Variants in CCDC81 observed in about 807,000 individuals in gnomAD.
CCDC81 encodes coiled-coil domain-containing protein 81.
A neutral mutation model predicts 83.7 loss-of-function variants in CCDC81; 79 were observed. The ratio of observed to expected loss-of-function variants is 0.94; its 90% CI spans 0.79 to 1.14. The LOEUF (loss-of-function observed/expected upper bound fraction) is 1.14. CCDC81 is among the 50% of genes most tolerant of loss of function. The probability of loss-of-function intolerance (pLI) is 0.00; values close to 1 mark genes in which losing one functional copy is unlikely to be tolerated. For missense variants in CCDC81, 791 were observed against 778.1 expected (o/e 1.02, Z -0.20); for synonymous variants, 252 against 278.1 (o/e 0.91, Z 0.93).
At chr11:86,417,424 T>C (rs1948735613) in intron 13 of CCDC81, among the ~76,000 whole-genome samples, 1 of 152,024 alleles carries the variant, frequency 6.6e-6, no homozygotes, top group Non-Finnish European at 1.5e-5. Flanking sequence ...TGCACATATA[T>C]TTTTCCTTCT....
chr11:86,397,716 A>G lies in CCDC81; in HGVS notation c.731A>G (p.Gln244Arg), dbSNP rs1486658825. ...GAAAGGAAGTGCAAGTTAAAAGACC[A>G]GTCAGACAAAGAAGAAGGCACCAGA... ...NRERKCKLKD[Q>R]SDKEEGTRDI... The change falls in exon 6 of 15, where the codon CAG becomes CGG. Residue 244 changes from glutamine to arginine, a missense_variant. Physicochemically the swap from Gln to Arg is conservative, Grantham distance 43 (BLOSUM62 1). Transcript: ENST00000445632. 1.2e-6 allele frequency: 2 copies of G among 1,613,812 alleles called. No individual in the cohort carries two copies. The highest frequency in any genetic ancestry group is 1.7e-5 in the Admixed American group (1 of 59,970).
chr11:86,390,808 C>T (rs578095339), intron 3 of CCDC81, among the ~76,000 whole-genome samples: 10 of 152,008 alleles, frequency 6.6e-5, no homozygotes, highest in South Asian at 2.1e-4. Context: ...AGGTGGATTT[C>T]GGTGGTGGAT....
intron 1 of CCDC81, among the ~76,000 whole-genome samples, chr11:86,384,070 C>A (rs1398652944): frequency 6.6e-6 from 1 of 152,134 alleles, no homozygotes. Flanking sequence ...CTAATGAAAT[C>A]ATTTCATCTT....
At chr11:86,375,307 C>A in intron 1 of CCDC81, 65 bp downstream of exon 1, 1 of 1,397,704 alleles carries the variant, frequency 7.2e-7, no homozygotes, top group Admixed American at 1.7e-5. Context: ...GCAGGGGAGG[C>A]GGGGGGACCC....
At chr11:86,377,968 C>CTTTTGTTTTTTTTTT (rs1948120654) in intron 1 of CCDC81, among the ~76,000 whole-genome samples, 1 of 73,350 alleles carries the variant, frequency 1.4e-5, no homozygotes, top group Non-Finnish European at 2.4e-5. Flanking sequence ...TGCCTAGGTT[C>CTTTTGTTTTTTTTTT]TTTTTTTTTT....
intron 14 of CCDC81, among the ~76,000 whole-genome samples, chr11:86,421,654 T>C (rs1363359527): frequency 1.3e-5 from 2 of 152,212 alleles, no homozygotes; most frequent in Non-Finnish European, 2.9e-5. Context: ...CCATGGCTCA[T>C]GCCTGTAATC....
intron 6 of CCDC81, 103 bp from the exon 7 acceptor site, chr11:86,400,575 A>T (rs1948472083): frequency 1.7e-6 from 2 of 1,152,686 alleles, no homozygotes; most frequent in Admixed American, 4.6e-5. Context: ...ATTTAAAGAT[A>T]AGAGAGTGTA....
chr11:86,398,729 C>T (rs560251459), intron 6 of CCDC81, among the ~76,000 whole-genome samples: 9 of 152,130 alleles, frequency 5.9e-5, no homozygotes, highest in African/African-American at 1.4e-4. Flanking sequence ...CGCACCACCA[C>T]GCCCAGCTAA....
At chr11:86,408,565 C>A (rs905994008) in intron 9 of CCDC81, among the ~76,000 whole-genome samples, 2 of 152,088 alleles carry the variant, frequency 1.3e-5, no homozygotes, top group African/African-American at 4.8e-5. Context: ...AACTCCTGGG[C>A]TCAAGCATCC....
At chr11:86,403,666 T>C (rs1195772567) in intron 7 of CCDC81, among the ~76,000 whole-genome samples, 5 of 152,174 alleles carry the variant, frequency 3.3e-5, no homozygotes, top group African/African-American at 7.2e-5. Context: ...TATCAAAGGC[T>C]GAGAGTGAGG....
At chr11:86,414,617 T>C in intron 11 of CCDC81, 172 bp from the exon 12 acceptor site, 4 of 582,260 alleles carry the variant, frequency 6.9e-6, no homozygotes, top group Non-Finnish European at 1.2e-5. Flanking sequence ...GCCTATGGAT[T>C]TGAATTACTC....
rs546462275 is a variant in CCDC81 at position 86,414,610 on chromosome 11, T to C, written c.1392-179T>C. On this transcript the variant is annotated intron_variant, in intron 11 of 14. Coordinates refer to ENST00000445632, the MANE Select transcript of CCDC81 (RefSeq NM_001156474.2). ...ACATGAGCCACTGTGCCTGGCCGCC[T>C]ATGGATTTGAATTACTCTTTTCTTT... is the stretch of plus-strand genomic sequence containing the variant. 1.1e-4 allele frequency: 63 copies of C among 571,794 alleles called. 1 individual carries two copies. The highest frequency in any genetic ancestry group is 1.0e-3 in the African/African-American group (53 of 52,768). The allele number at this position is 571,794 out of a possible 1,614,324, so 35.4% of individuals were successfully genotyped here.
intron 5 of CCDC81, among the ~76,000 whole-genome samples, chr11:86,395,888 G>A (rs1202688292): frequency 6.6e-6 from 1 of 152,180 alleles, no homozygotes; most frequent in Admixed American, 6.5e-5. Flanking sequence ...CTCCCAAAGT[G>A]CTGAAATTAC....
chr11:86,420,170 G>A, intron 14 of CCDC81, 117 bp downstream of exon 14: 2 of 1,197,610 alleles, frequency 1.7e-6, no homozygotes, highest in Non-Finnish European at 2.3e-6. Flanking sequence ...GAGAAAGCAA[G>A]TCTGTATTCC....
chr11:86,395,677 G>C (rs1224230246), intron 5 of CCDC81, among the ~76,000 whole-genome samples: 1 of 152,184 alleles, frequency 6.6e-6, no homozygotes, highest in Non-Finnish European at 1.5e-5. Context: ...CTGGAGTGCA[G>C]TGGCACGATC....
At position 86,410,086 on chromosome 11, in the gene CCDC81, GA is replaced by G. The variant is rs369746386; in HGVS notation, c.1218+722del. ...CTATGGTGGAATAACATCCCCAGGT[GA>G]TTTGTATTTGCATTAATGTTTGAGA... On this transcript the variant is annotated intron_variant, in intron 10 of 14. Coordinates refer to ENST00000445632, the MANE Select transcript of CCDC81 (RefSeq NM_001156474.2). 3.4e-3 allele frequency among the ~76,000 whole-genome samples: 511 copies of G among 152,302 alleles called. 3 individuals are homozygous for G. Among genetic ancestry groups the G allele is most frequent in the African/African-American group, 0.012 (486 of 41,564 alleles).
At chr11:86,390,494 A>G (rs1036431629) in intron 3 of CCDC81, among the ~76,000 whole-genome samples, 3 of 152,204 alleles carry the variant, frequency 2.0e-5, no homozygotes, top group African/African-American at 7.2e-5. Context: ...GGAGCCATTG[A>G]AAGTTTTTGA....
chr11:86,392,484 G>T, intron 3 of CCDC81, 57 bp from the exon 4 acceptor site: 1 of 1,524,058 alleles, frequency 6.6e-7, no homozygotes, highest in Non-Finnish European at 8.8e-7. Context: ...TGTATGATAT[G>T]TCCTTATGGT....
chr11:86,389,704 G>A (rs1248277327), intron 3 of CCDC81, among the ~76,000 whole-genome samples: 1 of 152,110 alleles, frequency 6.6e-6, no homozygotes, highest in Non-Finnish European at 1.5e-5. Context: ...CATGAGATTT[G>A]GGCAGGGACA....
Sources: gnomAD v4.1 joint callset for allele counts (sites outside exome capture counted in the v4.1 genomes callset) on GRCh38, gnomAD v4.1.1 for gene constraint, MANE v1.5 for transcripts, NCBI Gene and HGNC (gene_info 2026-07-23, HGNC 2026-07-21) for gene names.